NMU: variants seen among roughly 807,000 people sequenced by gnomAD.
NMU encodes neuromedin U.
Under a neutral mutation model 35.4 loss-of-function variants are expected in NMU, and 29 were observed. The observed-to-expected ratio is 0.82, with a 90% CI of 0.61 to 1.12. NMU has a LOEUF of 1.12. NMU is among the 50% of genes most tolerant of loss of function. The pLI, the probability that NMU is intolerant of heterozygous loss-of-function variation, is 0.00. For missense variants in NMU, 199 were observed against 206.2 expected, an observed-to-expected ratio of 0.97 and a Z score of 0.21; for synonymous variants, 78 against 81.3, an observed-to-expected ratio of 0.96 and a Z score of 0.22.
chr4:55,611,533 C>T (rs148286775), intron 3 of NMU, among the ~76,000 whole-genome samples: 1 of 152,312 alleles, frequency 6.6e-6, no homozygotes, highest in African/African-American at 2.4e-5. Context: ...CACATTCACT[C>T]ATTACTGACT....
upstream of NMU, chr4:55,636,567 C>T: frequency 5.5e-6 from 1 of 181,394 alleles, no homozygotes. The surrounding 1 kb of genome is among the most constrained non-coding windows in gnomAD (Gnocchi z 4.0). Flanking sequence ...GGACTGGGAA[C>T]AGGGTGTGGA....
chr4:55,600,226 T>C (rs1733366621), intron 8 of NMU, among the ~76,000 whole-genome samples: 1 of 151,284 alleles, frequency 6.6e-6, no homozygotes, highest in African/African-American at 2.4e-5. Flanking sequence ...GAATAGTGTA[T>C]CTTTAAGACA....
chr4:55,614,504 T>C (rs10018565), intron 3 of NMU, among the ~76,000 whole-genome samples: 140,346 of 152,220 alleles, frequency 0.92, 65,423 homozygotes, highest in East Asian at 1. Flanking sequence ...AAATGTATCC[T>C]ATATAAGAAC....
chr4:55,617,708 C>T (rs1363585702), intron 2 of NMU, among the ~76,000 whole-genome samples: 1 of 152,184 alleles, frequency 6.6e-6, no homozygotes, highest in East Asian at 1.9e-4. Flanking sequence ...TACTACATCA[C>T]CTCCAAATGT....
At position 55,609,105 on chromosome 4, in the gene NMU, C is replaced by T. The variant is rs200216636; in HGVS notation, c.279+15G>A. 7 of 1,610,022 alleles carry T rather than the reference C, an allele frequency of 4.3e-6. No individual in the cohort carries two copies. The East Asian group carries it at 1.6e-4, about 36-fold the overall frequency. ...ATAATTTTTGTCTACAAACAAAACA[C>T]TATTTCAAGCTTACCTGAGGCTTTG... On this transcript the variant is annotated intron_variant, in intron 4 of 9. Transcript: ENST00000264218.
chr4:55,636,320 C>A, upstream of NMU: 1 of 1,310,932 alleles, frequency 7.6e-7, no homozygotes, highest in Non-Finnish European at 9.8e-7. The surrounding 1 kb of genome is among the most constrained non-coding windows in gnomAD (Gnocchi z 4.0). Flanking sequence ...GAGCCGCCAA[C>A]TTTTAAATCT....
At chr4:55,627,745 C>T (rs1184154762) in intron 2 of NMU, among the ~76,000 whole-genome samples, 10 of 152,110 alleles carry the variant, frequency 6.6e-5, no homozygotes, top group East Asian at 1.9e-4. Context: ...AACTCTCAAA[C>T]GAGTTCTAAT....
chr4:55,625,750 T>G (rs888223767), intron 2 of NMU, among the ~76,000 whole-genome samples: 11 of 152,058 alleles, frequency 7.2e-5, no homozygotes, highest in African/African-American at 2.7e-4. Flanking sequence ...AAACCCATAT[T>G]GTTGTTTTGT....
At chr4:55,625,167 A>G (rs1734471886) in intron 2 of NMU, among the ~76,000 whole-genome samples, 2 of 89,242 alleles carry the variant, frequency 2.2e-5, no homozygotes, top group Admixed American at 1.3e-4. Flanking sequence ...TTAAAGTATA[A>G]TTAAAAAAAA....
intron 2 of NMU, among the ~76,000 whole-genome samples, chr4:55,626,577 C>T (rs889198553): frequency 3.3e-5 from 5 of 152,062 alleles, no homozygotes; most frequent in Non-Finnish European, 7.4e-5. Context: ...CGTGGTGGCA[C>T]GTGCCTGTAG....
At chr4:55,598,089 GTTTT>G (rs10588154) in intron 9 of NMU, among the ~76,000 whole-genome samples, 13 of 85,404 alleles carry the variant, frequency 1.5e-4, no homozygotes, top group African/African-American at 3.9e-4. Context: ...TTTGGTTGTG[GTTTT>G]TTTTTTTTTT....
chr4:55,630,985 T>G (rs1734731919), intron 1 of NMU, among the ~76,000 whole-genome samples: 1 of 152,168 alleles, frequency 6.6e-6, no homozygotes, highest in South Asian at 2.1e-4. Context: ...AATAGGCATT[T>G]AGACTAACGG....
intron 2 of NMU, among the ~76,000 whole-genome samples, chr4:55,627,395 G>GTTT (rs11430338): frequency 6.7e-6 from 1 of 148,888 alleles, no homozygotes. Context: ...AAATTTTAAA[G>GTTT]TTTTTTTTTT....
chr4:55,612,243 T>C (rs1733959599), intron 3 of NMU, among the ~76,000 whole-genome samples: 1 of 152,184 alleles, frequency 6.6e-6, no homozygotes, highest in African/African-American at 2.4e-5. Flanking sequence ...AAAATTGTTT[T>C]CTTTTAATTA....
At chr4:55,614,865 C>T (rs1013259249) in intron 3 of NMU, among the ~76,000 whole-genome samples, 3 of 152,178 alleles carry the variant, frequency 2.0e-5, no homozygotes, top group Non-Finnish European at 2.9e-5. Context: ...TCTGCCAATG[C>T]TCCTTGAATA....
At chr4:55,619,255 G>C (rs1489924406) in intron 2 of NMU, among the ~76,000 whole-genome samples, 1 of 149,204 alleles carries the variant, frequency 6.7e-6, no homozygotes, top group African/African-American at 2.5e-5. Context: ...CTGAGGTACC[G>C]GGTTCATCTC....
chr4:55,617,847 G>C (rs757023259), intron 2 of NMU, among the ~76,000 whole-genome samples: 13 of 152,264 alleles, frequency 8.5e-5, no homozygotes, highest in Non-Finnish European at 1.6e-4. Context: ...ATCTATGTGA[G>C]GTGGTCCATG....
chr4:55,636,053 G>T lies in NMU; in HGVS notation c.112+28C>A. 6.5e-7 allele frequency: 1 copy of T among 1,532,276 alleles called. No homozygotes were observed. The highest frequency in any genetic ancestry group is 8.7e-7 in the Non-Finnish European group (1 of 1,145,894). 94.9% of individuals were successfully genotyped at this position (1,532,276 alleles called of 1,614,324 possible). A position where few individuals can be genotyped will look rare whatever the true frequency, so the allele number is the denominator to read the frequency against. On this transcript the variant is annotated intron_variant, in intron 1 of 9. Coordinates refer to ENST00000264218, the MANE Select transcript of NMU (RefSeq NM_006681.4). The surrounding 1 kb of genome is among the most constrained non-coding windows in gnomAD (Gnocchi z 4.0). ...GCCAGAGAGAGGCGCGCATGGCGTGGAAGCGGCCGGGTGCGGGGCCGTCTT... is the reference window on the plus strand; with the variant it reads ...GCCAGAGAGAGGCGCGCATGGCGTGTAAGCGGCCGGGTGCGGGGCCGTCTT...
rs1733120373 is a variant in NMU at position 55,595,316 on chromosome 4, C to T, written c.*100G>A. On this transcript the variant is annotated 3_prime_UTR_variant, in exon 10 of 10. Coordinates refer to ENST00000264218, the MANE Select transcript of NMU (RefSeq NM_006681.4). ...ACATTGACAACACAGGGATTTTCAA[C>T]AGAGTACATTTAGCAAGGATTTTTT... is the stretch of plus-strand genomic sequence containing the variant. 1.3e-5 allele frequency: 2 copies of T among 152,244 alleles called. No homozygotes were observed. Among genetic ancestry groups the T allele is most frequent in the African/African-American group, 4.8e-5 (2 of 41,320 alleles). The allele number at this position is 152,244 out of a possible 1,614,324, so 9.4% of individuals were successfully genotyped here.
Sources: gnomAD v4.1 joint callset for allele counts (sites outside exome capture counted in the v4.1 genomes callset) on GRCh38, gnomAD v4.1.1 for gene constraint, Gnocchi (gnomAD v3.1) non-coding constraint, MANE v1.5 for transcripts, NCBI Gene and HGNC (gene_info 2026-07-23, HGNC 2026-07-21) for gene names.